Variants in DNAH5 observed in about 807,000 individuals in gnomAD.
The protein encoded by DNAH5 is dynein axonemal heavy chain 5.
DNAH5 carries 372 observed loss-of-function variants against 518.2 expected under a neutral mutation model. That is an observed-to-expected ratio of 0.72 (90% CI 0.66 to 0.78). The LOEUF (loss-of-function observed/expected upper bound fraction) is 0.78. Ranked by LOEUF, DNAH5 falls within the 30% of genes least tolerant of loss-of-function variation. DNAH5 has a pLI of 0.00. For missense variants in DNAH5, 5,523 were observed against 5,687.0 expected, an observed-to-expected ratio of 0.97 and a Z score of 0.93; for synonymous variants, 2,039 against 2,025.9, an observed-to-expected ratio of 1.01 and a Z score of -0.17.
chr5:13,768,573 G>C (rs752949819), intron 58 of DNAH5, among the ~76,000 whole-genome samples: 1 of 152,160 alleles, frequency 6.6e-6, no homozygotes, highest in Non-Finnish European at 1.5e-5. Flanking sequence ...GTAATTCATA[G>C]ACAGAAAACG....
chr5:13,964,929 TA>T (rs1781431639), intron 1 of DNAH5, among the ~76,000 whole-genome samples: 1 of 152,348 alleles, frequency 6.6e-6, no homozygotes, highest in East Asian at 1.9e-4. Flanking sequence ...CAGATAGTAA[TA>T]CCTTCAATGT....
At chr5:13,905,702 A>C (rs974714375) in intron 12 of DNAH5, among the ~76,000 whole-genome samples, 9 of 152,170 alleles carry the variant, frequency 5.9e-5, no homozygotes, top group African/African-American at 2.2e-4. Context: ...GCCATGTTGG[A>C]AGACAGTTTG....
intron 31 of DNAH5, among the ~76,000 whole-genome samples, chr5:13,845,468 C>T (rs950436436): frequency 2.6e-5 from 4 of 151,838 alleles, no homozygotes; most frequent in Non-Finnish European, 4.4e-5. Flanking sequence ...CCAATGAATT[C>T]GTCATCCAAG....
intron 53 of DNAH5, among the ~76,000 whole-genome samples, chr5:13,780,071 C>T (rs888885018): frequency 1.3e-5 from 2 of 152,198 alleles, no homozygotes; most frequent in Non-Finnish European, 2.9e-5. Context: ...ACACTGTACA[C>T]TCTGCAGTAT....
chr5:13,833,190 C>G lies in DNAH5; in HGVS notation c.5883-2415G>C, dbSNP rs527471522. ...GCACAGTGGCTCATGCCTGTAATCTCAGCACTTTGGGAGGCCGAGGCGGAT... is the reference window on the plus strand; with the variant it reads ...GCACAGTGGCTCATGCCTGTAATCTGAGCACTTTGGGAGGCCGAGGCGGAT... On this transcript the variant is annotated intron_variant, in intron 35 of 78. Coordinates refer to ENST00000265104, the MANE Select transcript of DNAH5 (RefSeq NM_001369.3). Among the ~76,000 whole-genome samples, 404 of 151,516 alleles carry G rather than the reference C, an allele frequency of 2.7e-3. 2 individuals are homozygous for G. Among genetic ancestry groups the G allele is most frequent in the South Asian group, 7.5e-3 (36 of 4,800 alleles).
At chr5:13,965,404 A>G (rs763014377) in intron 1 of DNAH5, among the ~76,000 whole-genome samples, 4 of 152,202 alleles carry the variant, frequency 2.6e-5, no homozygotes, top group Non-Finnish European at 5.9e-5. Flanking sequence ...TTCACAGGAA[A>G]CCAATGTGAC....
At chr5:13,862,500 G>T (rs772874775) in intron 29 of DNAH5, 48 bp downstream of exon 29, 1 of 1,545,876 alleles carries the variant, frequency 6.5e-7, no homozygotes, top group African/African-American at 1.4e-5. Context: ...TTAAATGTTT[G>T]CTATTACGGT....
intron 42 of DNAH5, 122 bp downstream of exon 42, chr5:13,817,426 G>A: frequency 2.1e-6 from 2 of 947,364 alleles, no homozygotes; most frequent in Non-Finnish European, 3.2e-6. Flanking sequence ...ACTGATTTAT[G>A]ACTTCTTAGT....
intron 69 of DNAH5, among the ~76,000 whole-genome samples, chr5:13,728,063 C>T (rs991948105): frequency 6.6e-6 from 1 of 152,154 alleles, no homozygotes. Flanking sequence ...TTCCCAGGAC[C>T]ACTCCTGACC....
chr5:13,758,348 A>G (rs754082210), intron 61 of DNAH5, among the ~76,000 whole-genome samples: 46 of 152,202 alleles, frequency 3.0e-4, no homozygotes, highest in Non-Finnish European at 6.2e-4. Context: ...ACAAAAAATT[A>G]GCCAGGCATG....
At chr5:13,863,869 C>T (rs1379704475) in intron 28 of DNAH5, among the ~76,000 whole-genome samples, 2 of 152,224 alleles carry the variant, frequency 1.3e-5, no homozygotes, top group African/African-American at 2.4e-5. Flanking sequence ...GCTGTCTCCT[C>T]TCTGCCCTGC....
At position 13,920,465 on chromosome 5, in the gene DNAH5, G is replaced by A. The variant is rs779553422; in HGVS notation, c.798+15C>T. ...ATGTGGCACCTGAAATTGATGTTTGGTTTCTCAAAATTACCTGTTCTGTCT... is the reference window on the plus strand; with the variant it reads ...ATGTGGCACCTGAAATTGATGTTTGATTTCTCAAAATTACCTGTTCTGTCT... On this transcript the variant is annotated intron_variant, in intron 6 of 78. Coordinates refer to ENST00000265104, the MANE Select transcript of DNAH5 (RefSeq NM_001369.3). 2.5e-6 allele frequency: 4 copies of A among 1,613,986 alleles called. No individual in the cohort carries two copies. The highest frequency in any genetic ancestry group is 2.5e-6 in the Non-Finnish European group (3 of 1,179,948).
At position 13,867,985 on chromosome 5, in the gene DNAH5, T is replaced by G. The variant is rs1317940676; in HGVS notation, c.3842A>C (p.Tyr1281Ser). ...DFQVGPIEESYALLNRYGLLI... is the reference protein window; with the variant it reads ...DFQVGPIEESSALLNRYGLLI... ...AAGTCCATATCTGTTAAGCAGGGCA[T>G]AAGATTCCTAAAAAAAAATAGGAAA... Residue 1281 changes from tyrosine to serine, a missense_variant, in exon 25 of 79, where the codon TAT (tyrosine) becomes TCT (serine). Tyr to Ser is a moderately radical substitution (Grantham distance 144). This residue lies in a region of DNAH5 where 5,121 missense variants were observed against 5,223.3 expected (regional missense o/e 0.98). Transcript: ENST00000265104. 2 of 1,594,844 alleles carry G rather than the reference T, an allele frequency of 1.3e-6. No homozygotes were observed. The highest frequency in any genetic ancestry group is 1.7e-6 in the Non-Finnish European group (2 of 1,170,082).
chr5:13,730,484 G>C, intron 68 of DNAH5, among the ~76,000 whole-genome samples: 1 of 152,056 alleles, frequency 6.6e-6, no homozygotes, highest in East Asian at 1.9e-4. Context: ...GCCCAGGCTG[G>C]AGTGCAGTGG....
At chr5:13,911,622 T>C (rs1446630060) in intron 11 of DNAH5, 129 bp from the exon 12 acceptor site, 7 of 755,024 alleles carry the variant, frequency 9.3e-6, no homozygotes, top group Non-Finnish European at 1.5e-5. Context: ...AAGCCTTATT[T>C]TTTTACTCAC....
chr5:13,919,950 T>C (rs548931548), intron 6 of DNAH5, among the ~76,000 whole-genome samples: 3 of 152,238 alleles, frequency 2.0e-5, no homozygotes, highest in Non-Finnish European at 4.4e-5. Flanking sequence ...TAATGAGCTG[T>C]AATGAGCTTC....
In DNAH5 at chr5:13,793,544, G is replaced by A; in HGVS notation, c.8195C>T (p.Pro2732Leu). ...RQFSIFNCTL[P>L]SEASVDKIFG... ...GATCTTGTCCACAGAAGCTTCAGAG[G>A]GCAACGTGCAATTAAATATAGAGAA... Residue 2732 changes from proline (P) to leucine (L), a missense_variant, in exon 49 of 79, where the codon CCC becomes CTC. By Grantham distance (98) the Pro-to-Leu change is moderately conservative. Around this residue, in one of 3 missense-constraint regions of DNAH5, gnomAD observed 5,121 missense variants for 5,223.3 expected, o/e 0.98. Coordinates refer to ENST00000265104, the MANE Select transcript of DNAH5 (RefSeq NM_001369.3). 5.0e-6 allele frequency: 8 copies of A among 1,613,920 alleles called. No individual in the cohort carries two copies. Among genetic ancestry groups the A allele is most frequent in the Non-Finnish European group, 6.8e-6 (8 of 1,179,922 alleles).
At chr5:13,883,876 GAGTTTCCACTTTT>G (rs1772006117) in intron 19 of DNAH5, among the ~76,000 whole-genome samples, 1 of 151,936 alleles carries the variant, frequency 6.6e-6, no homozygotes, top group South Asian at 2.1e-4. Flanking sequence ...AAATCTTTCA[GAGTTTCCACTTTT>G]ATTTACCCAC....
chr5:13,909,808 G>A (rs1775770776), intron 12 of DNAH5, among the ~76,000 whole-genome samples: 1 of 152,068 alleles, frequency 6.6e-6, no homozygotes, highest in Non-Finnish European at 1.5e-5. Flanking sequence ...AGCTGCGAGG[G>A]CATATCTACT....
Sources: allele counts gnomAD v4.1 joint callset (sites outside exome capture counted in the v4.1 genomes callset), GRCh38; gene constraint gnomAD v4.1.1; regional missense constraint gnomAD v4.1.1; transcripts MANE v1.5; gene names NCBI Gene and HGNC (gene_info 2026-07-23, HGNC 2026-07-21).